MSI2: variants seen among roughly 807,000 people sequenced by gnomAD.
MSI2 encodes musashi RNA binding protein 2, also known as RNA-binding protein Musashi homolog 2.
A neutral mutation model predicts 45.6 loss-of-function variants in MSI2; 17 were observed. The observed-to-expected ratio is 0.37, with a 90% CI of 0.26 to 0.56. The LOEUF (loss-of-function observed/expected upper bound fraction) is 0.56, where lower values mean the gene tolerates loss of function less well. Among genes scored for constraint, MSI2 ranks in the 20% least tolerant of loss-of-function variants. The probability of loss-of-function intolerance (pLI) is 0.77; values close to 1 mark genes in which losing one functional copy is unlikely to be tolerated. For missense variants in MSI2, 293 were observed against 444.2 expected, an observed-to-expected ratio of 0.66 and a Z score of 3.06; for synonymous variants, 156 against 158.2, an observed-to-expected ratio of 0.99 and a Z score of 0.11.
chr17:57,387,584 T>G (rs1376236990), intron 5 of MSI2, among the ~76,000 whole-genome samples: 1 of 152,198 alleles, frequency 6.6e-6, no homozygotes, highest in African/African-American at 2.4e-5. Context: ...AGGTAGCATA[T>G]CATTTTTGCT....
At chr17:57,542,048 T>C (rs2087060202) in intron 7 of MSI2, among the ~76,000 whole-genome samples, 1 of 152,076 alleles carries the variant, frequency 6.6e-6, no homozygotes, top group African/African-American at 2.4e-5. Context: ...TGCTTTCCAC[T>C]GCCGCTGGAG....
chr17:57,399,874 C>T (rs542761946), intron 5 of MSI2, among the ~76,000 whole-genome samples: 1 of 152,342 alleles, frequency 6.6e-6, no homozygotes, highest in South Asian at 2.1e-4. Flanking sequence ...CCCTACAGCA[C>T]AGCCTGCCAG....
At chr17:57,323,913 T>C (rs960631538) in intron 5 of MSI2, among the ~76,000 whole-genome samples, 2 of 152,226 alleles carry the variant, frequency 1.3e-5, no homozygotes, top group African/African-American at 4.8e-5. Context: ...GGTTCTGAGA[T>C]GGTTTTATTT....
Position 57,675,080 on chromosome 17 carries a change from G to C in MSI2, c.899G>C (p.Ser300Thr). Residue 300 changes from serine (S) to threonine (T), a missense_variant, in exon 12 of 14, where the codon AGT becomes ACT. Physicochemically the swap from Ser to Thr is moderately conservative, Grantham distance 58. Transcript: ENST00000284073. The stretch of plus-strand genomic sequence containing the variant: ...GACTCCGGAGTGGGGAATTACATAA[G>C]TGCGGCCAGCCCACAGCCGGGCTCG... ...SQDSGVGNYI[S>T]AASPQPGSGF... 5 of 1,614,052 alleles carry C rather than the reference G, an allele frequency of 3.1e-6. No homozygotes were observed. The highest frequency in any genetic ancestry group is 1.1e-5 in the South Asian group (1 of 91,068).
chr17:57,354,276 T>A (rs1255077758), intron 5 of MSI2, among the ~76,000 whole-genome samples: 2 of 152,126 alleles, frequency 1.3e-5, no homozygotes, highest in African/African-American at 4.8e-5. Context: ...GATGTTAGTT[T>A]TGGTGTGGAA....
chr17:57,456,552 A>C (rs916237453), intron 6 of MSI2, among the ~76,000 whole-genome samples: 1 of 151,894 alleles, frequency 6.6e-6, no homozygotes, highest in Non-Finnish European at 1.5e-5. Context: ...CTGAGATCGC[A>C]CCACTGCACT....
intron 5 of MSI2, among the ~76,000 whole-genome samples, chr17:57,396,808 C>CGCACACAT (rs1249716365): frequency 8.5e-5 from 13 of 152,186 alleles, no homozygotes; most frequent in Non-Finnish European, 1.6e-4. Flanking sequence ...AGCGCACACA[C>CGCACACAT]GCACACATGC....
rs554275219 is a variant in MSI2, at chr17:57,512,155, A to G, written c.406-17521A>G. ...GGGGCCTGCACAGCCTAGAGCACTT[A>G]TCACGTATCCTGCACTGATGGCGCC... is the stretch of plus-strand genomic sequence containing the variant. On this transcript the variant is annotated intron_variant, in intron 6 of 13. Transcript: ENST00000284073. Among the ~76,000 whole-genome samples the G allele has an allele frequency of 2.6e-5, 4 of 152,358 alleles. No homozygotes were observed. In the South Asian group the frequency reaches 8.3e-4, roughly 32 times the overall value.
At chr17:57,693,474 T>A in the MSI2 span, among the ~76,000 whole-genome samples, 1 of 152,212 alleles carries the variant, frequency 6.6e-6, no homozygotes, top group African/African-American at 2.4e-5. Context: ...CACTGATTCC[T>A]TCTTAAATTG....
intron 7 of MSI2, among the ~76,000 whole-genome samples, chr17:57,533,417 C>T (rs2086861196): frequency 6.6e-6 from 1 of 152,248 alleles, no homozygotes; most frequent in South Asian, 2.1e-4. Flanking sequence ...CTGCTGCTCC[C>T]ATGACATTTT....
At chr17:57,343,880 G>A (rs927239785) in intron 5 of MSI2, among the ~76,000 whole-genome samples, 5 of 152,066 alleles carry the variant, frequency 3.3e-5, no homozygotes, top group Non-Finnish European at 7.4e-5. Flanking sequence ...CTCATGACTA[G>A]ATTCAAGTTA....
intron 11 of MSI2, among the ~76,000 whole-genome samples, chr17:57,664,006 T>TA (rs113003145): frequency 0.074 from 10,932 of 147,710 alleles, 1,143 homozygotes; most frequent in African/African-American, 0.23. Flanking sequence ...ATTAACAGCT[T>TA]AAAAAAAAAA....
At chr17:57,451,342 T>C (rs2085015580) in intron 6 of MSI2, among the ~76,000 whole-genome samples, 1 of 152,192 alleles carries the variant, frequency 6.6e-6, no homozygotes, top group Non-Finnish European at 1.5e-5. Flanking sequence ...CCCTCCTTTG[T>C]CCTGAAATGC....
At chr17:57,547,605 G>A (rs1301307020) in intron 7 of MSI2, among the ~76,000 whole-genome samples, 1 of 152,122 alleles carries the variant, frequency 6.6e-6, no homozygotes, top group African/African-American at 2.4e-5. Flanking sequence ...GAGCTCTTGA[G>A]GGATGGTAGT....
At chr17:57,526,647 C>T (rs780552413) in intron 6 of MSI2, among the ~76,000 whole-genome samples, 8 of 152,006 alleles carry the variant, frequency 5.3e-5, no homozygotes, top group Non-Finnish European at 7.4e-5. Context: ...TGCTGTTCTG[C>T]CAGATTTCCA....
intron 6 of MSI2, among the ~76,000 whole-genome samples, chr17:57,454,964 G>C (rs1190425745): frequency 2.0e-5 from 3 of 152,192 alleles, no homozygotes; most frequent in Non-Finnish European, 4.4e-5. Context: ...CCTGTCGCAG[G>C]CGTGGAAGAC....
intron 6 of MSI2, among the ~76,000 whole-genome samples, chr17:57,469,776 T>A (rs188360922): frequency 1.3e-5 from 2 of 152,254 alleles, no homozygotes; most frequent in Non-Finnish European, 2.9e-5. Context: ...AGAGTCTCCC[T>A]TCTTCCAGAT....
chr17:57,266,627 C>G (rs1380289609), intron 5 of MSI2: 1 of 152,188 alleles, frequency 6.6e-6, no homozygotes, highest in Non-Finnish European at 1.5e-5. Context: ...TCCCAAAGTG[C>G]TGGGATTACA....
chr17:57,450,303 G>GAAAGAA, intron 6 of MSI2: 1 of 135,736 alleles, frequency 7.4e-6, no homozygotes, highest in African/African-American at 2.8e-5. Context: ...AAGAAAGAAA[G>GAAAGAA]AAAGAAAGAA....
Sources: gnomAD v4.1 joint callset for allele counts (sites outside exome capture counted in the v4.1 genomes callset) on GRCh38, gnomAD v4.1.1 for gene constraint, MANE v1.5 for transcripts, NCBI Gene and HGNC (gene_info 2026-07-23, HGNC 2026-07-21) for gene names.